ANO10: variants seen among roughly 807,000 people sequenced by gnomAD.
ANO10 encodes the protein anoctamin 10.
ANO10 carries 77 observed loss-of-function variants against 74.7 expected under a neutral mutation model. The ratio of observed to expected loss-of-function variants is 1.03; its 90% CI spans 0.86 to 1.25. The LOEUF (loss-of-function observed/expected upper bound fraction) is 1.25. Among genes scored for constraint, ANO10 ranks in the 50% most tolerant of loss-of-function variants. The probability of loss-of-function intolerance (pLI) is 0.00; values close to 1 mark genes in which losing one functional copy is unlikely to be tolerated. For synonymous variants in ANO10, 279 were observed against 284.9 expected (o/e 0.98, Z 0.21); for missense variants, 721 against 778.1 (o/e 0.93, Z 0.87).
chr3:43,473,957 G>A (rs1171303335), intron 11 of ANO10, among the ~76,000 whole-genome samples: 2 of 152,254 alleles, frequency 1.3e-5, no homozygotes, highest in East Asian at 3.9e-4. Flanking sequence ...GGCTGAGGAG[G>A]GTTCAGAGCA....
intron 1 of ANO10, among the ~76,000 whole-genome samples, chr3:43,618,848 C>T (rs1204536695): frequency 6.6e-6 from 1 of 152,016 alleles, no homozygotes; most frequent in Non-Finnish European, 1.5e-5. Context: ...GTCGCCCAGG[C>T]TGGAGTGCAG....
chr3:43,605,185 A>G (rs1462122439), intron 2 of ANO10, among the ~76,000 whole-genome samples: 31 of 152,190 alleles, frequency 2.0e-4, no homozygotes. Flanking sequence ...CCATAGTGTC[A>G]TCTAACCCTT....
At chr3:43,399,127 C>G (rs548497402) in intron 12 of ANO10, among the ~76,000 whole-genome samples, 8 of 152,346 alleles carry the variant, frequency 5.3e-5, no homozygotes, top group African/African-American at 1.9e-4. Flanking sequence ...CATGCCTGGA[C>G]AGATAGTTCT....
At chr3:43,508,499 G>C (rs1450496846) in intron 11 of ANO10, among the ~76,000 whole-genome samples, 1 of 152,164 alleles carries the variant, frequency 6.6e-6, no homozygotes, top group Non-Finnish European at 1.5e-5. Flanking sequence ...GCACATGTAT[G>C]TTTACTGCAG....
intron 12 of ANO10, among the ~76,000 whole-genome samples, chr3:43,417,099 A>G (rs1460371210): frequency 6.6e-6 from 1 of 152,226 alleles, no homozygotes; most frequent in Non-Finnish European, 1.5e-5. Context: ...AGAAGTCCTC[A>G]GTAAGGTTTT....
intron 11 of ANO10, among the ~76,000 whole-genome samples, chr3:43,511,806 G>A (rs1298441544): frequency 6.6e-6 from 1 of 152,232 alleles, no homozygotes; most frequent in Non-Finnish European, 1.5e-5. Flanking sequence ...ATTGTGAGAT[G>A]AAATCATGCC....
Position 43,557,140 on chromosome 3 carries a change from A to T in ANO10, c.1477-1671T>A, listed in dbSNP as rs965233290. On this transcript the variant is annotated intron_variant, in intron 9 of 12. Coordinates refer to ENST00000292246, the MANE Select transcript of ANO10 (RefSeq NM_018075.5). ...GTATTGACCCACAGATAATTTATTCATTATAAAATGAAGGAAAAAAAAAAA... is the reference window on the plus strand; with the variant it reads ...GTATTGACCCACAGATAATTTATTCTTTATAAAATGAAGGAAAAAAAAAAA... Among the ~76,000 whole-genome samples the T allele has an allele frequency of 5.9e-5, 9 of 152,166 alleles. No homozygotes were observed. The East Asian group carries it at 7.7e-4, about 13-fold the overall frequency.
intron 11 of ANO10, among the ~76,000 whole-genome samples, chr3:43,528,531 C>T (rs1205662231): frequency 6.6e-6 from 1 of 151,844 alleles, no homozygotes; most frequent in African/African-American, 2.4e-5. Context: ...AGAACAAAAT[C>T]ATCTTAGAAA....
chr3:43,393,237 G>A (rs772386144), intron 12 of ANO10, among the ~76,000 whole-genome samples: 1 of 152,166 alleles, frequency 6.6e-6, no homozygotes. Flanking sequence ...ATCATCTTCC[G>A]AAGCAAGGCT....
intron 12 of ANO10, among the ~76,000 whole-genome samples, chr3:43,417,598 G>A (rs527697540): frequency 7.2e-5 from 11 of 151,848 alleles, no homozygotes; most frequent in South Asian, 2.1e-4. Context: ...GCGTGTGTTC[G>A]TGTCCTAAAT....
chr3:43,565,250 G>C (rs9311341), intron 8 of ANO10, among the ~76,000 whole-genome samples: 90,987 of 152,056 alleles, frequency 0.6, 27,953 homozygotes, highest in East Asian at 0.89. Flanking sequence ...GCACTGCATA[G>C]GATCCACTGG....
At chr3:43,591,504 C>A (rs2081754838) in intron 4 of ANO10, among the ~76,000 whole-genome samples, 1 of 152,160 alleles carries the variant, frequency 6.6e-6, no homozygotes, top group Non-Finnish European at 1.5e-5. Flanking sequence ...AAAGACTTGC[C>A]CCCACCTTGG....
chr3:43,540,608 C>T (rs1348274438), intron 11 of ANO10, among the ~76,000 whole-genome samples: 4 of 152,208 alleles, frequency 2.6e-5, no homozygotes, highest in Non-Finnish European at 4.4e-5. Flanking sequence ...ACAAGAATAC[C>T]ACACATAAAC....
intron 12 of ANO10, among the ~76,000 whole-genome samples, chr3:43,394,061 C>T (rs1331037533): frequency 6.6e-6 from 1 of 152,132 alleles, no homozygotes; most frequent in African/African-American, 2.4e-5. Context: ...TCTGTCACTT[C>T]ATTTGCATGA....
At chr3:43,372,653 C>T in intron 12 of ANO10, 1 of 543,010 alleles carries the variant, frequency 1.8e-6, no homozygotes, top group Non-Finnish European at 3.3e-6. Context: ...ATTTCAATTG[C>T]TGCACTCCTC....
intron 11 of ANO10, among the ~76,000 whole-genome samples, chr3:43,530,426 CTATATATTA>C (rs1364324430): frequency 2.7e-5 from 4 of 148,722 alleles, no homozygotes; most frequent in African/African-American, 9.8e-5. Context: ...AACATATAGC[CTATATATTA>C]TATATATTTT....
intron 12 of ANO10, among the ~76,000 whole-genome samples, chr3:43,395,724 C>A (rs1339544424): frequency 6.6e-6 from 1 of 151,884 alleles, no homozygotes; most frequent in Non-Finnish European, 1.5e-5. Context: ...TATTCTAGGT[C>A]CTTTGCATTT....
rs201035769 is a variant in ANO10 at position 43,499,661 on chromosome 3, G to GA, written c.1797+50058dup. On this transcript the variant is annotated intron_variant, in intron 11 of 12. Transcript: ENST00000292246. The stretch of plus-strand genomic sequence containing the variant: ...ACACCATTCTCCCATATACCACCAA[G>GA]AAAAAAAAATACTGCCAATTAAATA... Among the ~76,000 whole-genome samples, 125 of 148,526 alleles carry GA rather than the reference G, an allele frequency of 8.4e-4. 1 individual carries two copies. The highest frequency in any genetic ancestry group is 2.8e-3 in the African/African-American group (112 of 40,500).
intron 1 of ANO10, among the ~76,000 whole-genome samples, chr3:43,667,072 GTTTTTTTTTTTTT>G (rs55764466): frequency 8.9e-5 from 5 of 56,126 alleles, no homozygotes; most frequent in African/African-American, 1.4e-4. Context: ...TACAATGCAT[GTTTTTTTTTTTTT>G]TTTTTTTTTT....
Sources: allele counts gnomAD v4.1 joint callset (sites outside exome capture counted in the v4.1 genomes callset), GRCh38; gene constraint gnomAD v4.1.1; transcripts MANE v1.5; gene names NCBI Gene and HGNC (gene_info 2026-07-23, HGNC 2026-07-21).